Variants in NELL1 observed in about 807,000 individuals in gnomAD.
The protein encoded by NELL1 is protein kinase C-binding protein NELL1.
Under a neutral mutation model 107.4 loss-of-function variants are expected in NELL1, and 76 were observed. That is an observed-to-expected ratio of 0.71 (90% CI 0.59 to 0.86). NELL1 has a LOEUF of 0.86. NELL1 is among the 40% of genes least tolerant of loss of function. The probability of loss-of-function intolerance (pLI) is 0.00; values close to 1 mark genes in which losing one functional copy is unlikely to be tolerated. For missense variants in NELL1, 1,024 were observed against 1,005.5 expected (o/e 1.02, Z -0.25); for synonymous variants, 353 against 341.2 (o/e 1.03, Z -0.38).
intron 13 of NELL1, among the ~76,000 whole-genome samples, chr11:21,217,450 T>G (rs1005446401): frequency 9.9e-5 from 15 of 152,116 alleles, no homozygotes; most frequent in Admixed American, 9.8e-4. Context: ...CAACTTCCTG[T>G]GAATCTGTAA....
At chr11:21,546,021 A>G (rs778430004) in intron 16 of NELL1, among the ~76,000 whole-genome samples, 5 of 151,914 alleles carry the variant, frequency 3.3e-5, no homozygotes, top group Middle Eastern at 3.4e-3. Context: ...CCCTCAGAAC[A>G]CTCTGAAACT....
intron 2 of NELL1, among the ~76,000 whole-genome samples, chr11:20,725,237 C>G (rs1485167559): frequency 6.6e-6 from 1 of 152,206 alleles, no homozygotes. Flanking sequence ...TCTGTTGACT[C>G]CCAACTACTA....
chr11:21,473,209 A>T (rs1357914965), intron 15 of NELL1, among the ~76,000 whole-genome samples: 1 of 152,064 alleles, frequency 6.6e-6, no homozygotes, highest in Non-Finnish European at 1.5e-5. Context: ...TGAGGGCAAC[A>T]TTCCAGGTAG....
intron 14 of NELL1, among the ~76,000 whole-genome samples, chr11:21,290,646 G>T (rs1590809254): frequency 1.3e-5 from 2 of 152,124 alleles, no homozygotes; most frequent in Non-Finnish European, 2.9e-5. Context: ...CCAGAGGAAG[G>T]AACAGGCAAC....
At chr11:21,030,787 C>T (rs1357979975) in intron 12 of NELL1, among the ~76,000 whole-genome samples, 1 of 151,916 alleles carries the variant, frequency 6.6e-6, no homozygotes, top group Non-Finnish European at 1.5e-5. Context: ...CAAAAATCAC[C>T]AATAATTTGA....
intron 9 of NELL1, among the ~76,000 whole-genome samples, chr11:20,933,255 A>C (rs536089402): frequency 1.2e-4 from 19 of 152,354 alleles, no homozygotes; most frequent in Admixed American, 1.0e-3. Flanking sequence ...GATGTGGGTG[A>C]CAGCCAAAGG....
At chr11:21,449,760 T>A (rs73461285) in intron 15 of NELL1, among the ~76,000 whole-genome samples, 3,886 of 152,314 alleles carry the variant, frequency 0.026, 177 homozygotes, top group African/African-American at 0.086. Context: ...TGTTTTATTG[T>A]TCTGTTGCAT....
intron 15 of NELL1, among the ~76,000 whole-genome samples, chr11:21,399,865 G>A (rs1203391161): frequency 6.6e-6 from 1 of 151,728 alleles, no homozygotes; most frequent in Non-Finnish European, 1.5e-5. Context: ...GTTGATAATG[G>A]AAGTTGATAA....
chr11:21,143,332 T>C (rs1192382367), intron 13 of NELL1, among the ~76,000 whole-genome samples: 1 of 152,038 alleles, frequency 6.6e-6, no homozygotes, highest in Non-Finnish European at 1.5e-5. Flanking sequence ...ATGAATGAAA[T>C]TGAGAGAATC....
intron 12 of NELL1, among the ~76,000 whole-genome samples, chr11:21,059,577 C>A (rs1853689785): frequency 1.3e-5 from 2 of 152,056 alleles, no homozygotes; most frequent in South Asian, 4.2e-4. Flanking sequence ...TGGTATTTTA[C>A]CAATTTGGAG....
intron 3 of NELL1, among the ~76,000 whole-genome samples, chr11:20,831,687 T>A (rs979262264): frequency 1.3e-5 from 2 of 152,150 alleles, no homozygotes; most frequent in African/African-American, 4.8e-5. Flanking sequence ...CTGCTGCAGA[T>A]TGGGCTTAGG....
intron 15 of NELL1, among the ~76,000 whole-genome samples, chr11:21,435,539 G>A (rs900883765): frequency 5.5e-5 from 8 of 145,790 alleles, no homozygotes; most frequent in Admixed American, 1.4e-4. Context: ...AGCTTTTATT[G>A]TATGCTTTTT....
intron 12 of NELL1, among the ~76,000 whole-genome samples, chr11:20,976,526 C>T (rs1255692429): frequency 6.6e-6 from 1 of 152,012 alleles, no homozygotes; most frequent in East Asian, 1.9e-4. Context: ...TCCATTTTTC[C>T]TAAGAAGAGA....
chr11:21,356,079 C>A (rs1326611335), intron 14 of NELL1, among the ~76,000 whole-genome samples: 2 of 152,196 alleles, frequency 1.3e-5, no homozygotes, highest in Admixed American at 6.6e-5. Context: ...CACTGACACA[C>A]TTCCCACACT....
In NELL1 at chr11:21,232,912, C is replaced by T. The variant is rs569690345; in HGVS notation, c.1549+3458C>T. 2.6e-5 allele frequency among the ~76,000 whole-genome samples: 4 copies of T among 152,274 alleles called. No homozygotes were observed. The South Asian group carries it at 6.2e-4, about 24-fold the overall frequency. On this transcript the variant is annotated intron_variant, in intron 14 of 19. Transcript: ENST00000357134. ...AAGTGATTTGCCTGCTTCAGCCTCC[C>T]AAACGGCTGGGATTCCAGGCATGAG... is the stretch of plus-strand genomic sequence containing the variant.
intron 12 of NELL1, among the ~76,000 whole-genome samples, chr11:21,058,085 T>C (rs1853653524): frequency 6.6e-6 from 1 of 152,054 alleles, no homozygotes; most frequent in Admixed American, 6.6e-5. Context: ...GAGATTTTAA[T>C]ACTCACCAGT....
chr11:21,528,614 G>A (rs2133964563), intron 15 of NELL1, among the ~76,000 whole-genome samples: 1 of 147,840 alleles, frequency 6.8e-6, no homozygotes, highest in South Asian at 2.1e-4. Flanking sequence ...AGGATCATGA[G>A]CAAAATAAAT....
intron 16 of NELL1, among the ~76,000 whole-genome samples, chr11:21,537,344 A>G (rs935409805): frequency 6.6e-6 from 1 of 151,890 alleles, no homozygotes; most frequent in East Asian, 1.9e-4. Flanking sequence ...TGCTTCTTGG[A>G]CTCATTTCCT....
At chr11:20,934,295 A>G (rs1850678080) in intron 9 of NELL1, among the ~76,000 whole-genome samples, 1 of 152,226 alleles carries the variant, frequency 6.6e-6, no homozygotes, top group Non-Finnish European at 1.5e-5. Flanking sequence ...TCATAGATAC[A>G]TACATTCTGC....
Sources: gnomAD v4.1 joint callset for allele counts (sites outside exome capture counted in the v4.1 genomes callset) on GRCh38, gnomAD v4.1.1 for gene constraint, MANE v1.5 for transcripts, NCBI Gene and HGNC (gene_info 2026-07-23, HGNC 2026-07-21) for gene names.